The following TCF7L1 variants were observed in gnomAD, a reference collection of about 807,000 sequenced individuals.
The protein encoded by TCF7L1 is transcription factor 7-like 1.
A neutral mutation model predicts 63.7 loss-of-function variants in TCF7L1; 18 were observed. The ratio of observed to expected loss-of-function variants is 0.28; its 90% CI spans 0.20 to 0.42. The LOEUF is 0.42. Among genes scored for constraint, TCF7L1 ranks in the 10% least tolerant of loss-of-function variants. The probability of loss-of-function intolerance (pLI) is 1.00; values close to 1 mark genes in which losing one functional copy is unlikely to be tolerated. For missense variants in TCF7L1, 654 were observed against 779.3 expected, an observed-to-expected ratio of 0.84 and a Z score of 1.91; for synonymous variants, 355 against 340.9, an observed-to-expected ratio of 1.04 and a Z score of -0.46.
intron 3 of TCF7L1, among the ~76,000 whole-genome samples, chr2:85,197,209 G>A (rs778203174): frequency 3.9e-4 from 59 of 152,290 alleles, no homozygotes; most frequent in Non-Finnish European, 6.2e-4. Flanking sequence ...TCAGGAGTTC[G>A]AGACCAGCCT....
chr2:85,227,177 A>G (rs921686496), intron 3 of TCF7L1, among the ~76,000 whole-genome samples: 3 of 151,950 alleles, frequency 2.0e-5, no homozygotes, highest in Non-Finnish European at 4.4e-5. Flanking sequence ...AACTCTACCA[A>G]ATCCCTTTAT....
intron 3 of TCF7L1, chr2:85,217,261 G>A (rs2104296617): frequency 6.6e-6 from 1 of 152,238 alleles, no homozygotes; most frequent in Admixed American, 6.5e-5. Flanking sequence ...ACAAACACGA[G>A]GTAGATAAGA....
At chr2:85,187,382 G>T (rs556515293) in intron 3 of TCF7L1, 1 of 152,282 alleles carries the variant, frequency 6.6e-6, no homozygotes, top group South Asian at 2.1e-4. Context: ...ACTCTTCCTG[G>T]TGTACCCAGA....
intron 4 of TCF7L1, among the ~76,000 whole-genome samples, chr2:85,288,941 G>A (rs561546535): frequency 6.6e-6 from 1 of 152,142 alleles, no homozygotes; most frequent in Non-Finnish European, 1.5e-5. Flanking sequence ...GACAGGAATC[G>A]CATCTGAGCG....
chr2:85,301,028 C>T (rs563308653), intron 4 of TCF7L1, among the ~76,000 whole-genome samples: 3 of 152,318 alleles, frequency 2.0e-5, no homozygotes, highest in African/African-American at 7.2e-5. Context: ...GTTCTGCCCG[C>T]CTTGGCCTCC....
chr2:85,157,008 A>G (rs936001823), intron 3 of TCF7L1, among the ~76,000 whole-genome samples: 12 of 152,234 alleles, frequency 7.9e-5, no homozygotes, highest in African/African-American at 2.7e-4. Context: ...GTTCCTCACA[A>G]CAAAGAATTA....
Position 85,309,057 on chromosome 2 carries a change from A to T in TCF7L1, c.1362A>T (p.Pro454=). The T allele has an allele frequency of 6.2e-7, 1 of 1,603,582 alleles. No individual in the cohort carries two copies. Among genetic ancestry groups the T allele is most frequent in the Non-Finnish European group, 8.5e-7 (1 of 1,174,514 alleles). Residue 454 remains proline (P), a synonymous_variant, in exon 12 of 12, where the codon CCA becomes CCT. Coordinates refer to ENST00000282111, the MANE Select transcript of TCF7L1 (RefSeq NM_031283.3). ...EGALASKSKK[P]CVQYLPPEKP... ...CCCTGGCCTCCAAGAGCAAGAAGCC[A>T]TGTGTTCAGTACCTGCCCCCCGAGA...
rs373167094 is a variant in TCF7L1 at position 85,133,943 on chromosome 2, C to T, written c.249+10C>T. On this transcript the variant is annotated intron_variant, in intron 1 of 11. Coordinates refer to ENST00000282111, the MANE Select transcript of TCF7L1 (RefSeq NM_031283.3). The surrounding 1 kb of genome is among the most constrained non-coding windows in gnomAD (Gnocchi z 4.4). ...CAGCTCGGACTCGGAGGTAAGGAAG[C>T]ACCGCGGCCACCCCCGGGGGATCCC... 8.4e-5 allele frequency: 130 copies of T among 1,544,072 alleles called. No individual in the cohort carries two copies. The African/African-American group carries it at 1.7e-3, about 20-fold the overall frequency.
intron 3 of TCF7L1, among the ~76,000 whole-genome samples, chr2:85,245,648 T>TA (rs917462140): frequency 9.9e-5 from 15 of 151,118 alleles, no homozygotes; most frequent in Admixed American, 1.3e-4. Flanking sequence ...CCGTCTCTAC[T>TA]AAAAAAAATA....
At position 85,212,307 on chromosome 2, in the gene TCF7L1, A is replaced by G. The variant is rs929852124; in HGVS notation, c.442-71188A>G. Among the ~76,000 whole-genome samples, 3 of 152,236 alleles carry G rather than the reference A, an allele frequency of 2.0e-5. No homozygotes were observed. In the East Asian group the frequency reaches 5.8e-4, roughly 29 times the overall value. On this transcript the variant is annotated intron_variant, in intron 3 of 11. Coordinates refer to ENST00000282111, the MANE Select transcript of TCF7L1 (RefSeq NM_031283.3). ...ACCACTTACCAGCTGGCATGACCTC[A>G]AGCAGGTTACCTGACCTCTTCTGTA...
intron 3 of TCF7L1, among the ~76,000 whole-genome samples, chr2:85,236,593 A>G (rs1680197744): frequency 6.6e-6 from 1 of 152,176 alleles, no homozygotes; most frequent in African/African-American, 2.4e-5. Context: ...GCTGGGAGGC[A>G]TCCCATAAGG....
chr2:85,152,588 C>T (rs533387434), intron 3 of TCF7L1, among the ~76,000 whole-genome samples: 1 of 152,062 alleles, frequency 6.6e-6, no homozygotes, highest in Admixed American at 6.6e-5. Flanking sequence ...GCACGTGCCA[C>T]CATGCCCGGC....
At chr2:85,257,381 C>T (rs372747224) in intron 3 of TCF7L1, among the ~76,000 whole-genome samples, 1 of 152,190 alleles carries the variant, frequency 6.6e-6, no homozygotes, top group African/African-American at 2.4e-5. Context: ...ACAGGTTCCC[C>T]GGCTTAGCTC....
chr2:85,173,351 G>A (rs1046838329), intron 3 of TCF7L1, among the ~76,000 whole-genome samples: 2 of 152,094 alleles, frequency 1.3e-5, no homozygotes, highest in African/African-American at 4.8e-5. Flanking sequence ...CAAACAGCAG[G>A]TAGGTGTTGG....
chr2:85,305,445 C>A, intron 8 of TCF7L1, 42 bp downstream of exon 8: 1 of 1,573,468 alleles, frequency 6.4e-7, no homozygotes, highest in South Asian at 1.2e-5. Flanking sequence ...AGGGTGCAGG[C>A]TGTGGGGAGG....
intron 3 of TCF7L1, among the ~76,000 whole-genome samples, chr2:85,279,820 A>C (rs896953650): frequency 1.3e-5 from 2 of 152,120 alleles, no homozygotes; most frequent in African/African-American, 4.8e-5. Context: ...TGAGATGCTC[A>C]CTGTTCCCAG....
intron 3 of TCF7L1, among the ~76,000 whole-genome samples, chr2:85,229,551 G>T (rs570007721): frequency 4.6e-5 from 7 of 152,318 alleles, no homozygotes; most frequent in East Asian, 1.9e-4. Flanking sequence ...TACAGAGAAG[G>T]GGGGAGCACA....
intron 3 of TCF7L1, among the ~76,000 whole-genome samples, chr2:85,247,693 C>G (rs1041618330): frequency 3.3e-5 from 5 of 152,184 alleles, no homozygotes; most frequent in African/African-American, 1.2e-4. Flanking sequence ...CGCGGGTGTC[C>G]TATGGCTCTG....
At chr2:85,180,725 G>A (rs922641437) in intron 3 of TCF7L1, among the ~76,000 whole-genome samples, 2 of 152,168 alleles carry the variant, frequency 1.3e-5, no homozygotes, top group Non-Finnish European at 2.9e-5. Context: ...TGCACCAGGA[G>A]CCCGTTCCAA....
Sources: allele counts gnomAD v4.1 joint callset (sites outside exome capture counted in the v4.1 genomes callset), GRCh38; gene constraint gnomAD v4.1.1; non-coding constraint Gnocchi (gnomAD v3.1); transcripts MANE v1.5; gene names NCBI Gene and HGNC (gene_info 2026-07-23, HGNC 2026-07-21).